Variants in LRIF1 observed in about 807,000 individuals in gnomAD.
The protein encoded by LRIF1 is ligand dependent nuclear receptor interacting factor 1.
Under a neutral mutation model 52.7 loss-of-function variants are expected in LRIF1, and 32 were observed. The ratio of observed to expected loss-of-function variants is 0.61; its 90% CI spans 0.46 to 0.82. The LOEUF (loss-of-function observed/expected upper bound fraction) is 0.82, where lower values mean the gene tolerates loss of function less well. Ranked by LOEUF, LRIF1 falls within the 40% of genes least tolerant of loss-of-function variation. The pLI, the probability that LRIF1 is intolerant of heterozygous loss-of-function variation, is 0.00. For synonymous variants in LRIF1, 323 were observed against 317.4 expected (o/e 1.02, Z -0.19); for missense variants, 887 against 892.0 (o/e 0.99, Z 0.07).
At chr1:110,896,181 C>G in the LRIF1 span, among the ~76,000 whole-genome samples, 1 of 152,156 alleles carries the variant, frequency 6.6e-6, no homozygotes, top group Non-Finnish European at 1.5e-5. Flanking sequence ...GTTGCTTCCT[C>G]GAGTATTTTG....
chr1:110,938,851 T>C, the LRIF1 span: 1 of 152,098 alleles, frequency 6.6e-6, no homozygotes, highest in Non-Finnish European at 1.5e-5. Context: ...ATTTAAAAAA[T>C]CAGTAAAGTT....
chr1:110,959,759 GAA>G (rs1482594981), intron 1 of LRIF1, among the ~76,000 whole-genome samples: 1 of 119,902 alleles, frequency 8.3e-6, no homozygotes, highest in Non-Finnish European at 1.8e-5. Flanking sequence ...AAAAAAAAAA[GAA>G]TGAGAAATTT....
the LRIF1 span, chr1:110,899,597 C>T: frequency 4.0e-5 from 7 of 176,036 alleles, no homozygotes; most frequent in Admixed American, 3.0e-4. Flanking sequence ...AAGCAAGAGA[C>T]TAGTTGAAGG....
Position 110,947,644 on chromosome 1 carries a change from G to A in LRIF1, c.*315C>T, listed in dbSNP as rs147314889. 440 of 195,486 alleles carry A rather than the reference G, an allele frequency of 2.3e-3. 2 individuals are homozygous for A. Among genetic ancestry groups the A allele is most frequent in the African/African-American group, 9.9e-3 (422 of 42,760 alleles). The allele number at this position is 195,486 out of a possible 1,614,324, so 12.1% of individuals were successfully genotyped here. A position where few individuals can be genotyped will look rare whatever the true frequency, so the allele number is the denominator to read the frequency against. On this transcript the variant is annotated 3_prime_UTR_variant, in exon 4 of 4. Coordinates refer to ENST00000369763, the MANE Select transcript of LRIF1 (RefSeq NM_018372.4). ...CTGGAATAATGCCTGAGCAATTTAG[G>A]TAAAGATACAAACAATAACAAAAAC...
At chr1:110,883,934 T>C in the LRIF1 span, among the ~76,000 whole-genome samples, 1 of 152,080 alleles carries the variant, frequency 6.6e-6, no homozygotes, top group South Asian at 2.1e-4. Flanking sequence ...TGATTACCTG[T>C]GTATAAGTTT....
chr1:110,948,828 A>G (rs577668107), intron 3 of LRIF1, among the ~76,000 whole-genome samples: 1 of 152,364 alleles, frequency 6.6e-6, no homozygotes, highest in East Asian at 1.9e-4. Context: ...AAGTCAAAGT[A>G]TAACAGTAGG....
At chr1:110,912,562 A>G in the LRIF1 span, among the ~76,000 whole-genome samples, 1 of 152,166 alleles carries the variant, frequency 6.6e-6, no homozygotes, top group East Asian at 1.9e-4. Flanking sequence ...CAAATCAGGA[A>G]TGTAATCCCA....
chr1:110,951,789 A>G lies in LRIF1; in HGVS notation c.1095T>C (p.Tyr365=). The change falls in exon 2 of 4, where the codon TAT becomes TAC. Residue 365 remains tyrosine (Y), a synonymous_variant. Transcript: ENST00000369763. ...CATCTGTCCCCTTTTTAGCCAACAG[A>G]TAGACTTTCCCATTAAACATAACCA... ...NALVMFNGKV[Y]LLAKKGTDVL... 1 of 1,612,574 alleles carries G rather than the reference A, an allele frequency of 6.2e-7. No individual in the cohort carries two copies. Among genetic ancestry groups the G allele is most frequent in the Non-Finnish European group, 8.5e-7 (1 of 1,180,012 alleles).
the LRIF1 span, among the ~76,000 whole-genome samples, chr1:110,924,347 C>A: frequency 6.6e-6 from 1 of 151,980 alleles, no homozygotes; most frequent in Non-Finnish European, 1.5e-5. Flanking sequence ...GAGAATACTC[C>A]CCAGGCTTAT....
Position 110,951,414 on chromosome 1 carries a change from T to C in LRIF1, c.1470A>G (p.Arg490=), listed in dbSNP as rs1006700411. Residue 490 remains arginine, a synonymous_variant, in exon 2 of 4, where the codon AGA becomes AGG. Coordinates refer to ENST00000369763, the MANE Select transcript of LRIF1 (RefSeq NM_018372.4). The part of the protein sequence containing the change: ...VGFSTGHNAP[R]KVTAVIYARK... ...TAGCATAAATGACGGCTGTTACTTTTCTGGGGGCATTGTGTCCTGTACTAA... is the reference window on the plus strand; with the variant it reads ...TAGCATAAATGACGGCTGTTACTTTCCTGGGGGCATTGTGTCCTGTACTAA... 11 of 1,614,024 alleles carry C rather than the reference T, an allele frequency of 6.8e-6. No homozygotes were observed. Among genetic ancestry groups the C allele is most frequent in the Non-Finnish European group, 7.6e-6 (9 of 1,180,024 alleles).
chr1:110,952,458 A>G lies in LRIF1; in HGVS notation c.426T>C (p.Ile142=). The stretch of plus-strand genomic sequence containing the variant: ...CAAATGTTTGCATGGTGAGTCCATC[A>G]ATTTTCACACCATGACTCTGAACTT... ...VSKVQSHGVK[I]DGLTMQTFAV... is the part of the protein sequence containing the mutation. Residue 142 remains isoleucine (I), a synonymous_variant, in exon 2 of 4, where the codon ATT becomes ATC. Coordinates refer to ENST00000369763, the MANE Select transcript of LRIF1 (RefSeq NM_018372.4). 1 of 1,612,248 alleles carries G rather than the reference A, an allele frequency of 6.2e-7. No homozygotes were observed. The highest frequency in any genetic ancestry group is 8.5e-7 in the Non-Finnish European group (1 of 1,178,402).
the LRIF1 span, among the ~76,000 whole-genome samples, chr1:110,926,704 T>C: frequency 2.0e-5 from 3 of 152,130 alleles, no homozygotes; most frequent in Non-Finnish European, 4.4e-5. Flanking sequence ...TACCTCTGCA[T>C]TAATCTATTG....
At chr1:110,895,607 G>A in the LRIF1 span, among the ~76,000 whole-genome samples, 1 of 152,320 alleles carries the variant, frequency 6.6e-6, no homozygotes, top group Non-Finnish European at 1.5e-5. Context: ...CGCTGGCTTA[G>A]TGTGGAGTAG....
the LRIF1 span, among the ~76,000 whole-genome samples, chr1:110,914,911 T>G: frequency 5.2e-4 from 79 of 152,332 alleles, no homozygotes; most frequent in African/African-American, 1.9e-3. Context: ...CATTACATAG[T>G]AGAATTGAAG....
chr1:110,942,358 A>T (rs1417394886), downstream of LRIF1: 1 of 151,902 alleles, frequency 6.6e-6, no homozygotes, highest in African/African-American at 2.4e-5. Flanking sequence ...CATTTTCCCT[A>T]TGTTTTAAGG....
At chr1:110,894,251 G>A in the LRIF1 span, 1 of 1,295,076 alleles carries the variant, frequency 7.7e-7, no homozygotes, top group African/African-American at 1.5e-5. Flanking sequence ...AAATGCCCCT[G>A]GATGCTCCCA....
intron 1 of LRIF1, among the ~76,000 whole-genome samples, chr1:110,955,986 C>G (rs889569495): frequency 6.6e-6 from 1 of 152,166 alleles, no homozygotes; most frequent in African/African-American, 2.4e-5. Context: ...TCCATTGCAA[C>G]ACTGGAGGAG....
the LRIF1 span, among the ~76,000 whole-genome samples, chr1:110,896,200 G>C: frequency 2.0e-5 from 3 of 152,180 alleles, no homozygotes; most frequent in Admixed American, 2.0e-4. Flanking sequence ...TGGTATCAGG[G>C]AGTCTCTGTC....
chr1:110,960,926 T>C (rs1658923908), intron 1 of LRIF1, among the ~76,000 whole-genome samples: 1 of 152,206 alleles, frequency 6.6e-6, no homozygotes, highest in African/African-American at 2.4e-5. Context: ...TCAGTCTTTT[T>C]CTTAAAATAC....
Sources: gnomAD v4.1 joint callset for allele counts (sites outside exome capture counted in the v4.1 genomes callset) on GRCh38, gnomAD v4.1.1 for gene constraint, MANE v1.5 for transcripts, NCBI Gene and HGNC (gene_info 2026-07-23, HGNC 2026-07-21) for gene names.